Variants in IFT172 observed in about 807,000 individuals in gnomAD.
IFT172 encodes intraflagellar transport protein 172 homolog.
Under a neutral mutation model 248.9 loss-of-function variants are expected in IFT172, and 164 were observed. The ratio of observed to expected loss-of-function variants is 0.66; its 90% CI spans 0.58 to 0.75. The LOEUF is 0.75. Ranked by LOEUF, IFT172 falls within the 30% of genes least tolerant of loss-of-function variation. The probability of loss-of-function intolerance (pLI) is 0.00; values close to 1 mark genes in which losing one functional copy is unlikely to be tolerated. For synonymous variants in IFT172, 729 were observed against 791.6 expected (o/e 0.92, Z 1.33); for missense variants, 1,950 against 2,192.4 (o/e 0.89, Z 2.21).
At chr2:27,469,691 G>A (rs1667401616) in intron 16 of IFT172, among the ~76,000 whole-genome samples, 1 of 152,184 alleles carries the variant, frequency 6.6e-6, no homozygotes, top group Non-Finnish European at 1.5e-5. Flanking sequence ...AATTAGCTGG[G>A]CATGGTGACA....
intron 14 of IFT172, among the ~76,000 whole-genome samples, chr2:27,472,950 G>C (rs778591058): frequency 5.3e-5 from 8 of 152,138 alleles, no homozygotes; most frequent in African/African-American, 1.2e-4. Context: ...ATAAGTTTTA[G>C]TGATATCCAT....
At chr2:27,479,398 G>A in intron 10 of IFT172, 111 bp downstream of exon 10, 1 of 710,172 alleles carries the variant, frequency 1.4e-6, no homozygotes, top group Non-Finnish European at 2.6e-6. Flanking sequence ...AGCTCTTCCA[G>A]AGGGATGAAG....
chr2:27,447,669 G>A (rs768898742), intron 41 of IFT172, 35 bp from the exon 42 acceptor site: 85 of 1,613,754 alleles, frequency 5.3e-5, no homozygotes, highest in Admixed American at 4.0e-4. Flanking sequence ...TGGCTCAGGG[G>A]TCAGAGGAGT....
At chr2:27,477,934 C>T (rs553252607) in intron 11 of IFT172, 61 bp downstream of exon 11, 13 of 1,594,666 alleles carry the variant, frequency 8.2e-6, no homozygotes, top group Non-Finnish European at 1.1e-5. Context: ...GATTTTGGGT[C>T]CCCACAAATA....
Position 27,459,485 on chromosome 2 carries a change from G to A in IFT172, c.2680C>T (p.Arg894Cys), listed in dbSNP as rs370531520. 144 of 1,614,000 alleles carry A rather than the reference G, an allele frequency of 8.9e-5. No homozygotes were observed. The highest frequency in any genetic ancestry group is 1.1e-4 in the Non-Finnish European group (132 of 1,180,030). The change falls in exon 25 of 48, where the codon CGC becomes TGC. Residue 894 changes from arginine (R) to cysteine (C), a missense_variant. This residue lies in a region of IFT172 where 1,166 missense variants were observed against 1,254.1 expected (regional missense o/e 0.93). Transcript: ENST00000260570. ...ATATAAATTGCCTTCTTCCACTGGC[G>A]GGCACCCAGGGCGGCCTCAATTGCC... ...IKAIEAALGARQWKKAIYILD... is the reference protein window; with the variant it reads ...IKAIEAALGACQWKKAIYILD...
chr2:27,456,768 G>T, intron 29 of IFT172, 115 bp from the exon 30 acceptor site: 1 of 1,439,210 alleles, frequency 6.9e-7, no homozygotes, highest in East Asian at 2.3e-5. Flanking sequence ...GAAGAGGCTG[G>T]GTGTGGTGGC....
intron 25 of IFT172, 86 bp downstream of exon 25, chr2:27,459,292 A>T: frequency 6.6e-7 from 1 of 1,512,770 alleles, no homozygotes; most frequent in Non-Finnish European, 9.0e-7. Context: ...GGATCTGGTG[A>T]ACTTGCCTCC....
At chr2:27,480,708 C>T (rs1330659847) in intron 8 of IFT172, among the ~76,000 whole-genome samples, 1 of 152,088 alleles carries the variant, frequency 6.6e-6, no homozygotes, top group Non-Finnish European at 1.5e-5. Context: ...CTGATTTAGC[C>T]ATCTATCTGG....
chr2:27,457,586 A>G, intron 29 of IFT172, 53 bp downstream of exon 29: 1 of 1,514,942 alleles, frequency 6.6e-7, no homozygotes, highest in Non-Finnish European at 9.1e-7. Flanking sequence ...AAAAAAGGAA[A>G]AACGTGGGAA....
Position 27,479,542 on chromosome 2 carries a change from G to C in IFT172, c.972C>G (p.Asn324Lys), listed in dbSNP as rs370874046. 43 of 1,612,940 alleles carry C rather than the reference G, an allele frequency of 2.7e-5. No individual in the cohort carries two copies. The highest frequency in any genetic ancestry group is 3.4e-5 in the Non-Finnish European group (40 of 1,179,062). The change falls in exon 10 of 48, where the codon AAC (asparagine) becomes AAG (lysine). Residue 324 changes from asparagine to lysine, a missense_variant. Asn to Lys is a moderately conservative substitution (Grantham distance 94). Coordinates refer to ENST00000260570, the MANE Select transcript of IFT172 (RefSeq NM_015662.3). ...GTCCCACATACGTCAACTCAAACTT[G>C]TTCTTGTAAATACTCCTTCGGAGGC... ...DCCLRRSIYK[N>K]KFELTYVGPS...
chr2:27,479,753 A>G, intron 9 of IFT172, 149 bp from the exon 10 acceptor site: 2 of 712,634 alleles, frequency 2.8e-6, no homozygotes, highest in Non-Finnish European at 4.8e-6. Flanking sequence ...TACCAAAAGG[A>G]AAGAGGCTAC....
In IFT172 at chr2:27,480,095, G is replaced by C. The variant is rs1668253365; in HGVS notation, c.840C>G (p.Pro280=). The change falls in exon 9 of 48, where the codon CCC becomes CCG. Residue 280 remains proline (P), a synonymous_variant. Coordinates refer to ENST00000260570, the MANE Select transcript of IFT172 (RefSeq NM_015662.3). Reference sequence around the variant, plus strand: ...TGGTGTATAAATTGGTAATCTCCTTGGGCTTTGCCTCTTCCCAGATGCTTC... The same window carrying C: ...TGGTGTATAAATTGGTAATCTCCTTCGGCTTTGCCTCTTCCCAGATGCTTC... ...PRRSIWEEAK[P]KEITNLYTIT... The C allele has an allele frequency of 6.2e-7, 1 of 1,614,056 alleles. No individual in the cohort carries two copies. Among genetic ancestry groups the C allele is most frequent in the Non-Finnish European group, 8.5e-7 (1 of 1,179,966 alleles).
At chr2:27,485,910 A>C (rs927534964) in intron 1 of IFT172, among the ~76,000 whole-genome samples, 3 of 152,260 alleles carry the variant, frequency 2.0e-5, no homozygotes, top group Non-Finnish European at 4.4e-5. Flanking sequence ...AGAGACAAAA[A>C]GCAAACCATA....
At position 27,454,731 on chromosome 2, in the gene IFT172, G is replaced by A; in HGVS notation, c.3372-71C>T. On this transcript the variant is annotated intron_variant, in intron 30 of 47. Coordinates refer to ENST00000260570, the MANE Select transcript of IFT172 (RefSeq NM_015662.3). This position sits in a 1 kb window ranked among gnomAD's most constrained non-coding sequence, Gnocchi z 4.2. ...TTCATAAAAGGAACAAGACAAAACA[G>A]AGAAAGGACAGAGTTGAGGGGAGAA... The A allele has an allele frequency of 1.5e-6, 2 of 1,325,722 alleles. No individual in the cohort carries two copies. The highest frequency in any genetic ancestry group is 2.2e-6 in the Non-Finnish European group (2 of 928,094). The allele number at this position is 1,325,722 out of a possible 1,614,324, so 82.1% of individuals were successfully genotyped here. A position where few individuals can be genotyped will look rare whatever the true frequency, so the allele number is the denominator to read the frequency against.
chr2:27,448,079 ATTTAT>A (rs961188643), intron 40 of IFT172, among the ~76,000 whole-genome samples, 157 bp from the exon 41 acceptor site: 1 of 151,692 alleles, frequency 6.6e-6, no homozygotes, highest in African/African-American at 2.4e-5. Context: ...TTTTATTTTT[ATTTAT>A]TTTTATTTTT....
chr2:27,451,052 C>G (rs950132784), intron 35 of IFT172, among the ~76,000 whole-genome samples: 5 of 149,720 alleles, frequency 3.3e-5, no homozygotes, highest in African/African-American at 5.0e-5. Flanking sequence ...AGTGCCAGTG[C>G]TGGTATAGAT....
At chr2:27,483,821 GA>G in intron 5 of IFT172, 50 bp downstream of exon 5, 15 of 1,513,968 alleles carry the variant, frequency 9.9e-6, no homozygotes, top group Non-Finnish European at 1.4e-5. Context: ...CCTCTCTCCA[GA>G]ACCATTATCC....
At chr2:27,463,284 G>A in intron 18 of IFT172, 103 bp from the exon 19 acceptor site, 1 of 1,078,972 alleles carries the variant, frequency 9.3e-7, no homozygotes, top group Non-Finnish European at 1.4e-6. Context: ...TGATGTGCCA[G>A]CCAATGTCTT....
At chr2:27,486,253 A>G (rs1220830721) in intron 1 of IFT172, 2 of 167,154 alleles carry the variant, frequency 1.2e-5, no homozygotes, top group African/African-American at 2.4e-5. Flanking sequence ...CTTATTTGAA[A>G]GGAAAGGGAG....
Sources: allele counts gnomAD v4.1 joint callset (sites outside exome capture counted in the v4.1 genomes callset), GRCh38; gene constraint gnomAD v4.1.1; regional missense constraint gnomAD v4.1.1; non-coding constraint Gnocchi (gnomAD v3.1); transcripts MANE v1.5; gene names NCBI Gene and HGNC (gene_info 2026-07-23, HGNC 2026-07-21).